The following ANO4 variants were observed in gnomAD, a reference collection of about 807,000 sequenced individuals.
ANO4 encodes anoctamin 4, also known as anoctamin-4.
Under a neutral mutation model 141.9 loss-of-function variants are expected in ANO4, and 69 were observed. The ratio of observed to expected loss-of-function variants is 0.49; its 90% CI spans 0.40 to 0.59. The LOEUF is 0.59. Among genes scored for constraint, ANO4 ranks in the 20% least tolerant of loss-of-function variants. ANO4 has a pLI of 0.00. For missense variants in ANO4, 894 were observed against 1,162.2 expected (o/e 0.77, Z 3.36); for synonymous variants, 350 against 394.3 (o/e 0.89, Z 1.33).
chr12:100,724,520 T>C (rs780664305), intron 1 of ANO4, among the ~76,000 whole-genome samples: 2 of 152,130 alleles, frequency 1.3e-5, no homozygotes, highest in Non-Finnish European at 2.9e-5. Flanking sequence ...TGGCACATAA[T>C]AAATGAAAAA....
intron 7 of ANO4, among the ~76,000 whole-genome samples, chr12:100,985,856 T>A (rs2044683940): frequency 6.6e-6 from 1 of 152,234 alleles, no homozygotes; most frequent in South Asian, 2.1e-4. Flanking sequence ...ATATAAATAA[T>A]ATTATCTTCA....
intron 17 of ANO4, among the ~76,000 whole-genome samples, chr12:101,088,700 C>T (rs887574448): frequency 1.3e-5 from 2 of 151,918 alleles, no homozygotes; most frequent in Non-Finnish European, 2.9e-5. Flanking sequence ...GTGGCTCATG[C>T]CTGTAATCCC....
rs201809763 is a variant in ANO4, at chr12:101,063,066, A to AT, written c.1312+14665_1312+14666insT. The stretch of plus-strand genomic sequence containing the variant: ...TGCAGGTTATGAAGACTATGGGAAA[A>AT]GATACTAATCTGGGCCAGAGTGCAC... On this transcript the variant is annotated intron_variant, in intron 14 of 27. Coordinates refer to ENST00000392977, the MANE Select transcript of ANO4 (RefSeq NM_001286615.2). 3.6e-3 allele frequency among the ~76,000 whole-genome samples: 555 copies of AT among 152,204 alleles called. 3 individuals are homozygous for AT. Among genetic ancestry groups the AT allele is most frequent in the African/African-American group, 0.013 (526 of 41,554 alleles).
At chr12:100,777,551 C>T (rs2033565753) in intron 3 of ANO4, among the ~76,000 whole-genome samples, 1 of 151,840 alleles carries the variant, frequency 6.6e-6, no homozygotes, top group Non-Finnish European at 1.5e-5. Context: ...ATTCAGTTTG[C>T]CTAAGCTTGG....
chr12:101,007,242 A>G (rs1361248717), intron 8 of ANO4, among the ~76,000 whole-genome samples: 1 of 152,226 alleles, frequency 6.6e-6, no homozygotes, highest in African/African-American at 2.4e-5. Context: ...AGGCCTAGCT[A>G]CTTGGGAGAC....
chr12:100,883,240 T>C (rs2039658966), intron 1 of ANO4, among the ~76,000 whole-genome samples: 1 of 152,226 alleles, frequency 6.6e-6, no homozygotes, highest in Admixed American at 6.5e-5. Flanking sequence ...ATCTGAGCAA[T>C]GTTTTCCAAA....
intron 3 of ANO4, 27 bp from the exon 4 acceptor site, chr12:100,939,288 C>G (rs763996112): frequency 1.2e-6 from 2 of 1,602,844 alleles, no homozygotes; most frequent in Non-Finnish European, 1.7e-6. Flanking sequence ...TTTTACCCAC[C>G]TTATAATGTA....
intron 1 of ANO4, among the ~76,000 whole-genome samples, chr12:100,884,381 G>C (rs1051251152): frequency 1.3e-5 from 2 of 152,148 alleles, no homozygotes; most frequent in Admixed American, 6.5e-5. Context: ...CCTCCACAGG[G>C]CCCCCCATGA....
chr12:101,024,394 G>A (rs2046649885), intron 9 of ANO4, among the ~76,000 whole-genome samples: 3 of 152,084 alleles, frequency 2.0e-5, no homozygotes, highest in Non-Finnish European at 2.9e-5. Context: ...TCAGGAGTTC[G>A]AGATCAGCCT....
At chr12:100,858,645 A>C (rs1432657648) in intron 1 of ANO4, among the ~76,000 whole-genome samples, 1 of 152,192 alleles carries the variant, frequency 6.6e-6, no homozygotes, top group Non-Finnish European at 1.5e-5. Context: ...TTCTCCACTC[A>C]AAAATTTAAT....
intron 1 of ANO4, among the ~76,000 whole-genome samples, chr12:100,876,772 G>A (rs2039330603): frequency 6.6e-6 from 1 of 152,040 alleles, no homozygotes; most frequent in South Asian, 2.1e-4. Flanking sequence ...TAAATGCATG[G>A]GTTTATCACT....
In ANO4 at chr12:100,988,872, G is replaced by GAAAAAAAAAA. The variant is rs748666892; in HGVS notation, c.734+1209_734+1218dup. On this transcript the variant is annotated intron_variant, in intron 8 of 27. Transcript: ENST00000392977. Reference sequence around the variant, plus strand: ...GGTGACAGAGTGAGACTCTGTCTCAGAAAAAAAAAAAAAAAAGAAAGAAAA... The same window carrying GAAAAAAAAAA: ...GGTGACAGAGTGAGACTCTGTCTCAGAAAAAAAAAAAAAAAAAAAAAAAAAAGAAAGAAAA... 3.0e-3 allele frequency among the ~76,000 whole-genome samples: 193 copies of GAAAAAAAAAA among 65,006 alleles called. 19 individuals carry two copies. The highest frequency in any genetic ancestry group is 6.6e-3 in the African/African-American group (102 of 15,476). The allele number at this position is 65,006 out of a possible 152,430, so 42.6% of individuals were successfully genotyped here. A position where few individuals can be genotyped will look rare whatever the true frequency, so the allele number is the denominator to read the frequency against.
At chr12:100,998,170 A>G (rs755537685) in intron 8 of ANO4, among the ~76,000 whole-genome samples, 12 of 152,140 alleles carry the variant, frequency 7.9e-5, no homozygotes, top group Non-Finnish European at 1.6e-4. Flanking sequence ...CAGTGAACAT[A>G]AAGCAGGCAG....
At chr12:101,094,914 G>A (rs1487940239) in intron 18 of ANO4, among the ~76,000 whole-genome samples, 3 of 152,168 alleles carry the variant, frequency 2.0e-5, no homozygotes, top group African/African-American at 2.4e-5. Context: ...CTGAGCCCAG[G>A]AGGTCAAGGC....
chr12:101,060,918 C>T (rs1166689608), intron 14 of ANO4, among the ~76,000 whole-genome samples: 1 of 152,246 alleles, frequency 6.6e-6, no homozygotes, highest in African/African-American at 2.4e-5. Flanking sequence ...TTGATCCTAT[C>T]GTTAGGATGC....
chr12:100,930,043 C>T (rs2042026541), intron 3 of ANO4, among the ~76,000 whole-genome samples: 1 of 152,008 alleles, frequency 6.6e-6, no homozygotes, highest in Admixed American at 6.6e-5. Flanking sequence ...TGTTTTTCCT[C>T]TAGAGTTGTT....
intron 1 of ANO4, among the ~76,000 whole-genome samples, chr12:100,816,430 C>T (rs1163284197): frequency 6.6e-6 from 1 of 151,850 alleles, no homozygotes; most frequent in Non-Finnish European, 1.5e-5. Context: ...GTGGGAACAG[C>T]ATATTACAAA....
chr12:100,745,820 A>G (rs992323620), intron 3 of ANO4, among the ~76,000 whole-genome samples: 2 of 152,232 alleles, frequency 1.3e-5, no homozygotes, highest in Non-Finnish European at 2.9e-5. Flanking sequence ...AAACATGATG[A>G]GTGCCAAGTA....
chr12:100,962,477 T>C (rs2043466144), intron 5 of ANO4, among the ~76,000 whole-genome samples: 1 of 152,188 alleles, frequency 6.6e-6, no homozygotes, highest in Non-Finnish European at 1.5e-5. Flanking sequence ...ATGTTTATGC[T>C]CCCACAGTCT....
Sources: allele counts gnomAD v4.1 joint callset (sites outside exome capture counted in the v4.1 genomes callset), GRCh38; gene constraint gnomAD v4.1.1; transcripts MANE v1.5; gene names NCBI Gene and HGNC (gene_info 2026-07-23, HGNC 2026-07-21).